FAM43B: variants seen among roughly 807,000 people sequenced by gnomAD.
FAM43B encodes family with sequence similarity 43 member B, also known as protein FAM43B.
Under a neutral mutation model 20.1 loss-of-function variants are expected in FAM43B, and 17 were observed. That is an observed-to-expected ratio of 0.84 (90% CI 0.58 to 1.27). The LOEUF is 1.27. Among genes scored for constraint, FAM43B ranks in the 50% most tolerant of loss-of-function variants. FAM43B has a pLI of 0.00. For missense variants in FAM43B, 512 were observed against 516.7 expected (o/e 0.99, Z 0.09); for synonymous variants, 208 against 238.5 (o/e 0.87, Z 1.18).
Position 20,553,745 on chromosome 1 carries a change from C to G in FAM43B, c.772C>G (p.Pro258Ala). Reference protein sequence around the residue: ...PPPSERSRGAPRLSSIQEEDE... With the variant: ...PPPSERSRGAARLSSIQEEDE... ...GCCGAGCGAGCGCAGCCGCGGGGCG[C>G]CGCGCCTCAGCAGCATCCAGGAGGA... Residue 258 changes from proline (P) to alanine (A), a missense_variant, in exon 1 of 1, where the codon CCG becomes GCG. Coordinates refer to ENST00000332947, the MANE Select transcript of FAM43B (RefSeq NM_207334.3). The surrounding 1 kb of genome is among the most constrained non-coding windows in gnomAD (Gnocchi z 6.5). 6.8e-7 allele frequency: 1 copy of G among 1,467,660 alleles called. No homozygotes were observed. Among genetic ancestry groups the G allele is most frequent in the Non-Finnish European group, 9.0e-7 (1 of 1,105,396 alleles). The allele number at this position is 1,467,660 out of a possible 1,614,324, so 90.9% of individuals were successfully genotyped here.
rs2052145997 is a variant in FAM43B at position 20,552,865 on chromosome 1, C to A, written c.-109C>A. On this transcript the variant is annotated 5_prime_UTR_variant, in exon 1 of 1. Coordinates refer to ENST00000332947, the MANE Select transcript of FAM43B (RefSeq NM_207334.3). ...AACGACTGTCCCCGGCCCTGCCCAG[C>A]TTCTCGCGACTCCAGGGCGGTGGAC... The A allele has an allele frequency of 7.4e-7, 1 of 1,349,770 alleles. No individual in the cohort carries two copies. The highest frequency in any genetic ancestry group is 1.0e-6 in the Non-Finnish European group (1 of 997,072). 83.6% of individuals were successfully genotyped at this position (1,349,770 alleles called of 1,614,324 possible).
chr1:20,553,796 G>A lies in FAM43B; in HGVS notation c.823G>A (p.Ala275Thr), dbSNP rs1486180939. ...EEDEEEEEDD[A>T]EEQEGGVPQR... is the part of the protein sequence containing the mutation. ...GGACGAGGAGGAGGAGGAGGACGAC[G>A]CGGAGGAGCAAGAGGGAGGAGTCCC... Residue 275 changes from alanine to threonine, a missense_variant, in exon 1 of 1, where the codon GCG becomes ACG. Transcript: ENST00000332947. This position sits in a 1 kb window ranked among gnomAD's most constrained non-coding sequence, Gnocchi z 6.5. 6.8e-6 allele frequency: 10 copies of A among 1,476,462 alleles called. No individual in the cohort carries two copies. The highest frequency in any genetic ancestry group is 2.2e-5 in the Admixed American group (1 of 44,616). The allele number at this position is 1,476,462 out of a possible 1,614,324, so 91.5% of individuals were successfully genotyped here.
At position 20,553,420 on chromosome 1, in the gene FAM43B, C is replaced by A; in HGVS notation, c.447C>A (p.Cys149Ter). 1 of 1,445,452 alleles carries A rather than the reference C, an allele frequency of 6.9e-7. No homozygotes were observed. The highest frequency in any genetic ancestry group is 9.0e-7 in the Non-Finnish European group (1 of 1,111,994). The allele number at this position is 1,445,452 out of a possible 1,614,324, so 89.5% of individuals were successfully genotyped here. ...ACCTGCTGCCGCGCATCACCTACTG[C>A]ACGGCGGACGGGCGCCACCCGCGCG... The part of the protein sequence containing the change: ...HAYLLPRITY[C>*]TADGRHPRVF... The change falls in exon 1 of 1, where the codon TGC (cysteine) becomes TGA (stop). Residue 149 changes from cysteine (C) to a stop codon, truncating the protein, a stop_gained. Transcript: ENST00000332947. LOFTEE classifies it high-confidence loss of function. This position sits in a 1 kb window ranked among gnomAD's most constrained non-coding sequence, Gnocchi z 6.5.
In FAM43B at chr1:20,553,643, G is replaced by A. The variant is rs1337640063; in HGVS notation, c.670G>A (p.Ala224Thr). The change falls in exon 1 of 1, where the codon GCT (alanine) becomes ACT (threonine). Residue 224 changes from alanine to threonine, a missense_variant. By Grantham distance (58) the Ala-to-Thr change is moderately conservative (BLOSUM62 0). Coordinates refer to ENST00000332947, the MANE Select transcript of FAM43B (RefSeq NM_207334.3). This position sits in a 1 kb window ranked among gnomAD's most constrained non-coding sequence, Gnocchi z 6.5. ...CCACGTGCGCCAGCAGCATCTCCGC[G>A]CTGGGGGCGCCGCCGCCTCGGTGCC... ...ARHVRQQHLR[A>T]GGAAASVPRA... 3.1e-6 allele frequency: 4 copies of A among 1,285,566 alleles called. No individual in the cohort carries two copies. Among genetic ancestry groups the A allele is most frequent in the Non-Finnish European group, 3.9e-6 (4 of 1,023,288 alleles). 79.6% of individuals were successfully genotyped at this position (1,285,566 alleles called of 1,614,324 possible). A position where few individuals can be genotyped will look rare whatever the true frequency, so the allele number is the denominator to read the frequency against.
chr1:20,552,949 C>A lies in FAM43B; in HGVS notation c.-25C>A. The A allele has an allele frequency of 3.7e-6, 6 of 1,610,880 alleles. No homozygotes were observed. The highest frequency in any genetic ancestry group is 5.1e-6 in the Non-Finnish European group (6 of 1,179,196). On this transcript the variant is annotated 5_prime_UTR_variant, in exon 1 of 1. Coordinates refer to ENST00000332947, the MANE Select transcript of FAM43B (RefSeq NM_207334.3). The stretch of plus-strand genomic sequence containing the variant: ...AGGACGCCGGTGAGCTCCCTGCGCC[C>A]CCAGCCCCTTTCGCCGCCGCCGCGA...
At position 20,553,763 on chromosome 1, in the gene FAM43B, CAGGAGGAGGACGAGG is replaced by C. The variant is rs2052159704; in HGVS notation, c.801_815del (p.Asp267_Glu271del). On this transcript the variant is annotated inframe_deletion, in exon 1 of 1. Transcript: ENST00000332947. The surrounding 1 kb of genome is among the most constrained non-coding windows in gnomAD (Gnocchi z 6.5). ...CGGGGCGCCGCGCCTCAGCAGCATC[CAGGAGGAGGACGAGG>C]AGGAGGAGGAGGACGACGCGGAGGA... is the stretch of plus-strand genomic sequence containing the variant. 6.8e-7 allele frequency: 1 copy of C among 1,473,894 alleles called. No individual in the cohort carries two copies. Among genetic ancestry groups the C allele is most frequent in the Non-Finnish European group, 9.0e-7 (1 of 1,107,804 alleles). The allele number at this position is 1,473,894 out of a possible 1,614,324, so 91.3% of individuals were successfully genotyped here.
chr1:20,554,166 C>T lies in FAM43B; in HGVS notation c.*203C>T. Reference sequence around the variant, plus strand: ...ATTGGGGGGTGTTCCTCTCTCCCCACACCCGGAGTTTCCCGGGCCTGCCAT... The same window carrying T: ...ATTGGGGGGTGTTCCTCTCTCCCCATACCCGGAGTTTCCCGGGCCTGCCAT... On this transcript the variant is annotated 3_prime_UTR_variant, in exon 1 of 1. Transcript: ENST00000332947. 1 of 495,754 alleles carries T rather than the reference C, an allele frequency of 2.0e-6. No homozygotes were observed. The highest frequency in any genetic ancestry group is 3.1e-6 in the Non-Finnish European group (1 of 327,130). 30.7% of individuals were successfully genotyped at this position (495,754 alleles called of 1,614,324 possible). A position where few individuals can be genotyped will look rare whatever the true frequency, so the allele number is the denominator to read the frequency against.
In FAM43B at chr1:20,553,617, G is replaced by A. The variant is rs2052157160; in HGVS notation, c.644G>A (p.Arg215His). ...FKRLQRQSDA[R>H]HVRQQHLRAG... ...CGCCTGCAGCGCCAGAGCGACGCGC[G>A]CCACGTGCGCCAGCAGCATCTCCGC... The change falls in exon 1 of 1, where the codon CGC becomes CAC. Residue 215 changes from arginine (R) to histidine (H), a missense_variant. Arg to His is a conservative substitution (Grantham distance 29). Coordinates refer to ENST00000332947, the MANE Select transcript of FAM43B (RefSeq NM_207334.3). This position sits in a 1 kb window ranked among gnomAD's most constrained non-coding sequence, Gnocchi z 6.5. 1.6e-6 allele frequency: 2 copies of A among 1,277,286 alleles called. No individual in the cohort carries two copies. The highest frequency in any genetic ancestry group is 2.0e-6 in the Non-Finnish European group (2 of 1,019,174). 79.1% of individuals were successfully genotyped at this position (1,277,286 alleles called of 1,614,324 possible).
Position 20,553,473 on chromosome 1 carries a change from C to A in FAM43B, c.500C>A (p.Ala167Glu). 7.1e-7 allele frequency: 1 copy of A among 1,408,836 alleles called. No individual in the cohort carries two copies. The highest frequency in any genetic ancestry group is 1.6e-5 in the South Asian group (1 of 64,442). The allele number at this position is 1,408,836 out of a possible 1,614,324, so 87.3% of individuals were successfully genotyped here. A position where few individuals can be genotyped will look rare whatever the true frequency, so the allele number is the denominator to read the frequency against. ...TTCGCCTGGGTCTACCGCCACCAGG[C>A]GCGCCACAAGGCCGTGGTGCTGCGC... ...RVFAWVYRHQ[A>E]RHKAVVLRCH... The change falls in exon 1 of 1, where the codon GCG (alanine) becomes GAG (glutamate). Residue 167 changes from alanine (A) to glutamate (E), a missense_variant. Physicochemically the swap from Ala to Glu is moderately radical, Grantham distance 107 (BLOSUM62 -1). Coordinates refer to ENST00000332947, the MANE Select transcript of FAM43B (RefSeq NM_207334.3). This position sits in a 1 kb window ranked among gnomAD's most constrained non-coding sequence, Gnocchi z 6.5.
rs1268345756 is a variant in FAM43B at position 20,553,660 on chromosome 1, C to T, written c.687C>T (p.Ala229=). The change falls in exon 1 of 1, where the codon GCC becomes GCT. Residue 229 remains alanine (A), a synonymous_variant. Coordinates refer to ENST00000332947, the MANE Select transcript of FAM43B (RefSeq NM_207334.3). This position sits in a 1 kb window ranked among gnomAD's most constrained non-coding sequence, Gnocchi z 6.5. The part of the protein sequence containing the change: ...QQHLRAGGAA[A]SVPRAPLRRL... ...ATCTCCGCGCTGGGGGCGCCGCCGC[C>T]TCGGTGCCCCGCGCCCCACTGCGCC... 3 of 1,302,168 alleles carry T rather than the reference C, an allele frequency of 2.3e-6. No individual in the cohort carries two copies. The highest frequency in any genetic ancestry group is 1.6e-5 in the African/African-American group (1 of 64,206). The allele number at this position is 1,302,168 out of a possible 1,614,324, so 80.7% of individuals were successfully genotyped here.
rs763440582 is a variant in FAM43B at position 20,553,774 on chromosome 1, C to CGAGGAG, written c.813_818dup (p.Glu271_Glu272dup). 6.8e-7 allele frequency: 1 copy of CGAGGAG among 1,470,458 alleles called. No individual in the cohort carries two copies. The highest frequency in any genetic ancestry group is 9.0e-7 in the Non-Finnish European group (1 of 1,105,540). The allele number at this position is 1,470,458 out of a possible 1,614,324, so 91.1% of individuals were successfully genotyped here. A position where few individuals can be genotyped will look rare whatever the true frequency, so the allele number is the denominator to read the frequency against. On this transcript the variant is annotated inframe_insertion, in exon 1 of 1. Coordinates refer to ENST00000332947, the MANE Select transcript of FAM43B (RefSeq NM_207334.3). This position sits in a 1 kb window ranked among gnomAD's most constrained non-coding sequence, Gnocchi z 6.5. ...GCCTCAGCAGCATCCAGGAGGAGGA[C>CGAGGAG]GAGGAGGAGGAGGAGGACGACGCGG... is the stretch of plus-strand genomic sequence containing the variant.
chr1:20,552,825 T>TG lies in FAM43B; in HGVS notation c.-146dup, dbSNP rs2052145713. 2 of 955,946 alleles carry TG rather than the reference T, an allele frequency of 2.1e-6. No homozygotes were observed. The highest frequency in any genetic ancestry group is 3.4e-5 in the South Asian group (2 of 58,474). 59.2% of individuals were successfully genotyped at this position (955,946 alleles called of 1,614,324 possible). Reference sequence around the variant, plus strand: ...CTGCGAAGCTAGCCCTGCCTGGCACTGGGCATCTCCAGGCAACGACTGTCC... The same window carrying TG: ...CTGCGAAGCTAGCCCTGCCTGGCACTGGGGCATCTCCAGGCAACGACTGTCC... On this transcript the variant is annotated 5_prime_UTR_variant, in exon 1 of 1. Coordinates refer to ENST00000332947, the MANE Select transcript of FAM43B (RefSeq NM_207334.3).
Position 20,553,108 on chromosome 1 carries a change from C to G in FAM43B, c.135C>G (p.Pro45=). 6.2e-7 allele frequency: 1 copy of G among 1,613,408 alleles called. No homozygotes were observed. The highest frequency in any genetic ancestry group is 8.5e-7 in the Non-Finnish European group (1 of 1,179,866). Residue 45 remains proline (P), a synonymous_variant, in exon 1 of 1, where the codon CCC becomes CCG. Transcript: ENST00000332947. This position sits in a 1 kb window ranked among gnomAD's most constrained non-coding sequence, Gnocchi z 6.5. ...SFLRSCPDLL[P]DWPLERLGRV... ...TGCGCTCCTGCCCGGACCTGCTGCC[C>G]GACTGGCCGCTGGAGCGCTTGGGCC...
rs1004492465 is a variant in FAM43B at position 20,553,373 on chromosome 1, G to A, written c.400G>A (p.Gly134Ser). 9.5e-6 allele frequency: 14 copies of A among 1,475,732 alleles called. No homozygotes were observed. The highest frequency in any genetic ancestry group is 1.2e-5 in the Non-Finnish European group (13 of 1,122,346). The allele number at this position is 1,475,732 out of a possible 1,614,324, so 91.4% of individuals were successfully genotyped here. A position where few individuals can be genotyped will look rare whatever the true frequency, so the allele number is the denominator to read the frequency against. The change falls in exon 1 of 1, where the codon GGC becomes AGC. Residue 134 changes from glycine to serine, a missense_variant. Transcript: ENST00000332947. This position sits in a 1 kb window ranked among gnomAD's most constrained non-coding sequence, Gnocchi z 6.5. ...CERSAAGGSG[G>S]RRPAHAYLLP... ...GCGCAGCGCCGCCGGGGGTTCGGGG[G>A]GCCGCAGGCCGGCGCACGCCTACCT...
chr1:20,553,819 C>G lies in FAM43B; in HGVS notation c.846C>G (p.Val282=), dbSNP rs1055155018. 6.8e-6 allele frequency: 10 copies of G among 1,465,762 alleles called. No homozygotes were observed. In the African/African-American group the frequency reaches 1.0e-4, roughly 15 times the overall value. The allele number at this position is 1,465,762 out of a possible 1,614,324, so 90.8% of individuals were successfully genotyped here. The change falls in exon 1 of 1, where the codon GTC becomes GTG. Residue 282 remains valine, a synonymous_variant. Transcript: ENST00000332947. The surrounding 1 kb of genome is among the most constrained non-coding windows in gnomAD (Gnocchi z 6.5). ...ACGCGGAGGAGCAAGAGGGAGGAGTCCCCCAGCGCGAGCGGCCGGAGGTGC... is the reference window on the plus strand; with the variant it reads ...ACGCGGAGGAGCAAGAGGGAGGAGTGCCCCAGCGCGAGCGGCCGGAGGTGC... ...EDDAEEQEGG[V]PQRERPEVLS... is the part of the protein sequence containing the mutation.
At position 20,554,139 on chromosome 1, in the gene FAM43B, T is replaced by C. The variant is rs968334061; in HGVS notation, c.*176T>C. ...AGGGTGATGCCTGATACGCCCTTGG[T>C]TATTGGGGGGTGTTCCTCTCTCCCC... On this transcript the variant is annotated 3_prime_UTR_variant, in exon 1 of 1. Transcript: ENST00000332947. The C allele has an allele frequency of 1.2e-4, 81 of 692,596 alleles. No individual in the cohort carries two copies. The highest frequency in any genetic ancestry group is 1.5e-4 in the Non-Finnish European group (78 of 503,752). 42.9% of individuals were successfully genotyped at this position (692,596 alleles called of 1,614,324 possible).
chr1:20,553,810 G>T lies in FAM43B; in HGVS notation c.837G>T (p.Glu279Asp). The T allele has an allele frequency of 6.8e-7, 1 of 1,473,168 alleles. No homozygotes were observed. Among genetic ancestry groups the T allele is most frequent in the Non-Finnish European group, 9.0e-7 (1 of 1,106,936 alleles). The allele number at this position is 1,473,168 out of a possible 1,614,324, so 91.3% of individuals were successfully genotyped here. ...EEEEDDAEEQ[E>D]GGVPQRERPE... ...AGGAGGACGACGCGGAGGAGCAAGA[G>T]GGAGGAGTCCCCCAGCGCGAGCGGC... Residue 279 changes from glutamate (E) to aspartate (D), a missense_variant, in exon 1 of 1, where the codon GAG becomes GAT. Coordinates refer to ENST00000332947, the MANE Select transcript of FAM43B (RefSeq NM_207334.3). This position sits in a 1 kb window ranked among gnomAD's most constrained non-coding sequence, Gnocchi z 6.5.
rs1168216303 is a variant in FAM43B, at chr1:20,553,686, G to T, written c.713G>T (p.Arg238Leu). 2 of 1,419,304 alleles carry T rather than the reference G, an allele frequency of 1.4e-6. No individual in the cohort carries two copies. Among genetic ancestry groups the T allele is most frequent in the South Asian group, 1.4e-5 (1 of 72,388 alleles). The allele number at this position is 1,419,304 out of a possible 1,614,324, so 87.9% of individuals were successfully genotyped here. Reference protein sequence around the residue: ...AASVPRAPLRRLLNAKCAYRP... With the variant: ...AASVPRAPLRLLLNAKCAYRP... Reference sequence around the variant, plus strand: ...TCGGTGCCCCGCGCCCCACTGCGCCGCCTGCTCAATGCCAAGTGCGCCTAC... The same window carrying T: ...TCGGTGCCCCGCGCCCCACTGCGCCTCCTGCTCAATGCCAAGTGCGCCTAC... Residue 238 changes from arginine to leucine, a missense_variant, in exon 1 of 1, where the codon CGC becomes CTC. Transcript: ENST00000332947. This position sits in a 1 kb window ranked among gnomAD's most constrained non-coding sequence, Gnocchi z 6.5.
chr1:20,553,524 C>T lies in FAM43B; in HGVS notation c.551C>T (p.Ala184Val). ...LRCHAVLLAR[A>V]HKARALARLL... is the part of the protein sequence containing the mutation. The stretch of plus-strand genomic sequence containing the variant: ...TGCCACGCTGTGCTGCTGGCGCGGG[C>T]GCACAAGGCGCGCGCCCTGGCCCGC... The change falls in exon 1 of 1, where the codon GCG becomes GTG. Residue 184 changes from alanine to valine, a missense_variant. By Grantham distance (64) the Ala-to-Val change is moderately conservative. Transcript: ENST00000332947. This position sits in a 1 kb window ranked among gnomAD's most constrained non-coding sequence, Gnocchi z 6.5. 7.5e-7 allele frequency: 1 copy of T among 1,333,832 alleles called. No individual in the cohort carries two copies. Among genetic ancestry groups the T allele is most frequent in the Non-Finnish European group, 9.5e-7 (1 of 1,048,840 alleles). 82.6% of individuals were successfully genotyped at this position (1,333,832 alleles called of 1,614,324 possible).
Sources: allele counts gnomAD v4.1 joint callset, GRCh38; gene constraint gnomAD v4.1.1; non-coding constraint Gnocchi (gnomAD v3.1); transcripts MANE v1.5; gene names NCBI Gene and HGNC (gene_info 2026-07-23, HGNC 2026-07-21).